Variants in FYN observed in about 807,000 individuals in gnomAD.
FYN encodes FYN proto-oncogene, Src family tyrosine kinase.
In FYN, 10 loss-of-function variants were observed where a neutral mutation model predicts 70.2. The ratio of observed to expected loss-of-function variants is 0.14; its 90% CI spans 0.09 to 0.24. FYN has a LOEUF of 0.24. FYN is among the 10% of genes least tolerant of loss of function. FYN has a pLI of 1.00. For synonymous variants in FYN, 236 were observed against 248.6 expected, an observed-to-expected ratio of 0.95 and a Z score of 0.48; for missense variants, 319 against 673.1, an observed-to-expected ratio of 0.47 and a Z score of 5.82.
rs181975680 is a variant in FYN, at chr6:111,827,355, C to T, written c.-82+19234G>A. Among the ~76,000 whole-genome samples the T allele has an allele frequency of 7.3e-4, 111 of 152,232 alleles. 2 individuals carry two copies. Among genetic ancestry groups the T allele is most frequent in the Middle Eastern group, 6.8e-3 (2 of 294 alleles). On this transcript the variant is annotated intron_variant, in intron 2 of 13. Coordinates refer to ENST00000354650, the MANE Select transcript of FYN (RefSeq NM_002037.5). ...CAAAGACTCTTTGGGGCTCTATGTC[C>T]TCTCCATAGTTTTTCTCATCCTTAA...
At chr6:111,784,683 C>T (rs953393909) in intron 2 of FYN, among the ~76,000 whole-genome samples, 3 of 152,140 alleles carry the variant, frequency 2.0e-5, no homozygotes, top group Non-Finnish European at 2.9e-5. Flanking sequence ...ACAGGGAAGA[C>T]AACCTGTGAT....
At chr6:111,782,612 T>C (rs1363947367) in intron 2 of FYN, among the ~76,000 whole-genome samples, 2 of 152,340 alleles carry the variant, frequency 1.3e-5, no homozygotes, top group East Asian at 3.9e-4. Context: ...TCAATCATTC[T>C]GTCAATATAG....
intron 4 of FYN, among the ~76,000 whole-genome samples, chr6:111,717,694 G>A (rs900197502): frequency 4.6e-5 from 7 of 152,078 alleles, no homozygotes; most frequent in East Asian, 1.9e-4. Flanking sequence ...AAACTCCTGC[G>A]CTCAAGTGAT....
intron 1 of FYN, among the ~76,000 whole-genome samples, chr6:111,871,700 A>T (rs2114256896): frequency 6.6e-6 from 1 of 152,332 alleles, no homozygotes; most frequent in African/African-American, 2.4e-5. Context: ...CCCCCACACC[A>T]ATCTACTCTA....
intron 3 of FYN, among the ~76,000 whole-genome samples, chr6:111,724,671 A>G (rs1178391455): frequency 2.6e-5 from 4 of 152,216 alleles, no homozygotes; most frequent in African/African-American, 7.2e-5. Context: ...AGGAAGTGAA[A>G]CCGACAACAA....
chr6:111,859,055 A>T (rs577030949), intron 1 of FYN, among the ~76,000 whole-genome samples: 1 of 152,042 alleles, frequency 6.6e-6, no homozygotes, highest in African/African-American at 2.4e-5. Flanking sequence ...GGAACTCTCC[A>T]CTTCCCTGGA....
At position 111,661,795 on chromosome 6, in the gene FYN, G is replaced by C; in HGVS notation, c.1558C>G (p.Leu520Val). The stretch of plus-strand genomic sequence containing the variant: ...TCTGTCGCGGTAAAGTAGTCTTCCA[G>C]GAAGCTCTGCAAGTACTCAAAAGTG... ...RPTFEYLQSF[L>V]EDYFTATEPQ... The change falls in exon 14 of 14, where the codon CTG (leucine) becomes GTG (valine). Residue 520 changes from leucine to valine, a missense_variant. Leu to Val is a conservative substitution (Grantham distance 32, BLOSUM62 1). Transcript: ENST00000354650. This position sits in a 1 kb window ranked among gnomAD's most constrained non-coding sequence, Gnocchi z 4.0. 6.2e-7 allele frequency: 1 copy of C among 1,614,186 alleles called. No individual in the cohort carries two copies. The highest frequency in any genetic ancestry group is 1.1e-5 in the South Asian group (1 of 91,082).
intron 2 of FYN, among the ~76,000 whole-genome samples, chr6:111,797,491 T>C (rs1488953847): frequency 2.6e-5 from 4 of 151,684 alleles, no homozygotes; most frequent in Admixed American, 6.6e-5. Flanking sequence ...TAGTACAGCA[T>C]TATTTATAAT....
intron 3 of FYN, among the ~76,000 whole-genome samples, chr6:111,748,497 A>G (rs1802338061): frequency 6.6e-6 from 1 of 152,222 alleles, no homozygotes; most frequent in South Asian, 2.1e-4. Flanking sequence ...GCGTATCAAG[A>G]GCAAAAATTC....
chr6:111,745,040 C>A (rs776687703), intron 3 of FYN, among the ~76,000 whole-genome samples: 1 of 152,116 alleles, frequency 6.6e-6, no homozygotes, highest in Non-Finnish European at 1.5e-5. Flanking sequence ...TAGGGCCACA[C>A]AACATTCTGG....
chr6:111,778,404 C>T (rs1297860988), intron 3 of FYN, among the ~76,000 whole-genome samples: 1 of 152,110 alleles, frequency 6.6e-6, no homozygotes, highest in Non-Finnish European at 1.5e-5. Flanking sequence ...CAGGCACTAT[C>T]CAGGCACCAA....
At chr6:111,707,354 A>C (rs1800140246) in intron 6 of FYN, among the ~76,000 whole-genome samples, 1 of 152,216 alleles carries the variant, frequency 6.6e-6, no homozygotes, top group African/African-American at 2.4e-5. Flanking sequence ...GTTGGGCCAA[A>C]TAACTGCTCG....
intron 2 of FYN, among the ~76,000 whole-genome samples, chr6:111,821,847 G>A (rs1344408190): frequency 6.6e-6 from 1 of 152,080 alleles, no homozygotes; most frequent in Non-Finnish European, 1.5e-5. Context: ...CTCAAAAGAA[G>A]ACATTTCTGC....
intron 3 of FYN, among the ~76,000 whole-genome samples, chr6:111,757,812 T>G (rs1802807130): frequency 6.6e-6 from 1 of 152,228 alleles, no homozygotes; most frequent in Admixed American, 6.5e-5. Flanking sequence ...TTGATCCAAT[T>G]GCGTTCCCTG....
chr6:111,712,366 G>C (rs1800421522), intron 5 of FYN, among the ~76,000 whole-genome samples: 1 of 152,180 alleles, frequency 6.6e-6, no homozygotes, highest in Non-Finnish European at 1.5e-5. Flanking sequence ...CCAACAAGCA[G>C]CAAAATAACA....
chr6:111,747,566 CCT>C (rs1302675360), intron 3 of FYN, among the ~76,000 whole-genome samples: 1 of 152,202 alleles, frequency 6.6e-6, no homozygotes, highest in Non-Finnish European at 1.5e-5. Context: ...AGCTCCTCCC[CCT>C]GACATTATAC....
At chr6:111,747,004 G>T (rs1040420327) in intron 3 of FYN, among the ~76,000 whole-genome samples, 1 of 152,108 alleles carries the variant, frequency 6.6e-6, no homozygotes, top group African/African-American at 2.4e-5. Flanking sequence ...CAATATAAAT[G>T]GTTAGGTACA....
chr6:111,728,625 C>T (rs1192519735), intron 3 of FYN, among the ~76,000 whole-genome samples: 1 of 152,110 alleles, frequency 6.6e-6, no homozygotes, highest in Non-Finnish European at 1.5e-5. Flanking sequence ...GATTGGCTTC[C>T]TTTGCTTGGT....
At chr6:111,717,234 T>C (rs779011036) in intron 4 of FYN, among the ~76,000 whole-genome samples, 4 of 152,196 alleles carry the variant, frequency 2.6e-5, no homozygotes, top group Non-Finnish European at 5.9e-5. Flanking sequence ...TTGATCAGAC[T>C]GTTAGCTTTT....
Sources: allele counts gnomAD v4.1 joint callset (sites outside exome capture counted in the v4.1 genomes callset), GRCh38; gene constraint gnomAD v4.1.1; non-coding constraint Gnocchi (gnomAD v3.1); transcripts MANE v1.5; gene names NCBI Gene and HGNC (gene_info 2026-07-23, HGNC 2026-07-21).